The following NEXMIF variants were observed in gnomAD, a reference collection of about 807,000 sequenced individuals.
The protein encoded by NEXMIF is neurite extension and migration factor.
In NEXMIF, 8 loss-of-function variants were observed where a neutral mutation model predicts 62.1. That is an observed-to-expected ratio of 0.13 (90% CI 0.08 to 0.23). The LOEUF is 0.23. NEXMIF is among the 10% of genes least tolerant of loss of function. The probability of loss-of-function intolerance (pLI) is 1.00; values close to 1 mark genes in which losing one functional copy is unlikely to be tolerated. For missense variants in NEXMIF, 976 were observed against 1,113.3 expected (o/e 0.88, Z 1.75); for synonymous variants, 404 against 416.6 (o/e 0.97, Z 0.37).
intron 1 of NEXMIF, among the ~76,000 whole-genome samples, chrX:74,891,968 A>G (rs1450764073): frequency 8.9e-6 from 1 of 112,568 alleles, no homozygotes; most frequent in Non-Finnish European, 1.9e-5. Flanking sequence ...GGGCTATTAC[A>G]AAATATTTGC....
At chrX:74,906,620 C>T (rs908634642) in intron 1 of NEXMIF, among the ~76,000 whole-genome samples, 1 of 110,501 alleles carries the variant, frequency 9.0e-6, no homozygotes, top group Non-Finnish European at 1.9e-5. Context: ...CCACAAATCA[C>T]CTTCTGCCGT....
chrX:74,773,467 A>G (rs752943750), intron 1 of NEXMIF, among the ~76,000 whole-genome samples: 27 of 111,058 alleles, frequency 2.4e-4, no homozygotes, highest in Non-Finnish European at 4.2e-4. Context: ...GGCTTTTGAG[A>G]TGTCTGGGCT....
At chrX:74,874,909 T>G (rs1426432086) in intron 1 of NEXMIF, among the ~76,000 whole-genome samples, 2 of 108,727 alleles carry the variant, frequency 1.8e-5, no homozygotes, top group African/African-American at 6.8e-5. Flanking sequence ...ACGATGGGGT[T>G]TTCTAGATAT....
intron 1 of NEXMIF, among the ~76,000 whole-genome samples, chrX:74,799,428 C>T (rs1481969733): frequency 9.0e-6 from 1 of 111,268 alleles, no homozygotes; most frequent in Admixed American, 9.6e-5. Flanking sequence ...TACATGCATA[C>T]ATACATACAT....
intron 1 of NEXMIF, among the ~76,000 whole-genome samples, chrX:74,908,855 C>T (rs1270433985): frequency 1.8e-5 from 2 of 111,619 alleles, no homozygotes; most frequent in Admixed American, 9.5e-5. Flanking sequence ...TCCCCCATAC[C>T]GTTGTTGTGG....
chrX:74,848,513 C>T (rs1339094785), intron 1 of NEXMIF, among the ~76,000 whole-genome samples: 1 of 112,497 alleles, frequency 8.9e-6, no homozygotes, highest in Non-Finnish European at 1.9e-5. Flanking sequence ...TGCAAAGGCA[C>T]TTTGTCCAAA....
chrX:74,894,623 A>G, intron 1 of NEXMIF, among the ~76,000 whole-genome samples: 1 of 112,460 alleles, frequency 8.9e-6, no homozygotes, highest in Admixed American at 9.4e-5. Context: ...ACAATACATT[A>G]GAAAGATCAT....
intron 1 of NEXMIF, among the ~76,000 whole-genome samples, chrX:74,903,114 CA>C (rs1459246049): frequency 9.0e-6 from 1 of 111,291 alleles, no homozygotes; most frequent in Non-Finnish European, 1.9e-5. Context: ...TTGGTTTCTA[CA>C]ACCTGGAAGC....
chrX:74,914,020 T>C (rs1414597084), intron 1 of NEXMIF, among the ~76,000 whole-genome samples: 1 of 111,917 alleles, frequency 8.9e-6, no homozygotes, highest in Non-Finnish European at 1.9e-5. Context: ...GCTTCTCCCA[T>C]TGGGTTTCTC....
At chrX:74,834,691 A>G (rs886993459) in intron 1 of NEXMIF, among the ~76,000 whole-genome samples, 1 of 110,934 alleles carries the variant, frequency 9.0e-6, no homozygotes, top group East Asian at 2.8e-4. Flanking sequence ...GTTCCATAGT[A>G]TGTTATGTTG....
chrX:74,848,830 T>C (rs1239669273), intron 1 of NEXMIF, among the ~76,000 whole-genome samples: 1 of 111,526 alleles, frequency 9.0e-6, no homozygotes, highest in African/African-American at 3.3e-5. Flanking sequence ...ATGAGATTAG[T>C]GCCTTCATAA....
At chrX:74,815,052 A>G (rs550206852) in intron 1 of NEXMIF, among the ~76,000 whole-genome samples, 1 of 112,452 alleles carries the variant, frequency 8.9e-6, no homozygotes, top group East Asian at 2.8e-4. Flanking sequence ...CCCTTAATAC[A>G]TATTCTTCAT....
rs756553718 is a variant in NEXMIF at position 74,770,470 on chromosome X, C to T, written c.-47-24773G>A. 2.9e-4 allele frequency among the ~76,000 whole-genome samples: 32 copies of T among 111,983 alleles called. No individual in the cohort carries two copies. In the South Asian group the frequency reaches 0.011, roughly 39 times the overall value. On this transcript the variant is annotated intron_variant, in intron 1 of 3. Coordinates refer to ENST00000055682, the MANE Select transcript of NEXMIF (RefSeq NM_001008537.3). ...TATGTATGTTTCTTTTTGTCATTGGCATATTGATATATATGTTCAGTGCCT... is the reference window on the plus strand; with the variant it reads ...TATGTATGTTTCTTTTTGTCATTGGTATATTGATATATATGTTCAGTGCCT...
intron 1 of NEXMIF, among the ~76,000 whole-genome samples, chrX:74,844,358 T>C: frequency 8.9e-6 from 1 of 111,885 alleles, no homozygotes; most frequent in Non-Finnish European, 1.9e-5. Context: ...TCATGGATGA[T>C]ATTCTGAAAT....
intron 1 of NEXMIF, among the ~76,000 whole-genome samples, chrX:74,834,248 TTGTC>T (rs1170072700): frequency 1.8e-5 from 2 of 111,777 alleles, no homozygotes; most frequent in East Asian, 2.8e-4. Context: ...TCTTGTTGTA[TTGTC>T]TATGTCTTGA....
intron 1 of NEXMIF, among the ~76,000 whole-genome samples, chrX:74,777,190 A>C (rs994934693): frequency 8.9e-6 from 1 of 111,975 alleles, no homozygotes; most frequent in African/African-American, 3.2e-5. Flanking sequence ...ATAAATGAGA[A>C]GCTCTAAAGC....
chrX:74,736,637 A>G lies in NEXMIF; in HGVS notation c.*2768T>C, dbSNP rs1282075841. 1 of 111,953 alleles carries G rather than the reference A, an allele frequency of 8.9e-6. No homozygotes were observed. Among genetic ancestry groups the G allele is most frequent in the African/African-American group, 3.3e-5 (1 of 30,743 alleles). The allele number at this position is 111,953 out of a possible 1,213,427, so 9.2% of individuals were successfully genotyped here. ...GACAGGACCAACAAAATGCTAAATG[A>G]TGAACATCTCAGAACACAATGTACT... On this transcript the variant is annotated 3_prime_UTR_variant, in exon 4 of 4. Transcript: ENST00000055682.
intron 1 of NEXMIF, among the ~76,000 whole-genome samples, chrX:74,870,847 C>A (rs951068931): frequency 2.7e-5 from 3 of 111,805 alleles, no homozygotes; most frequent in Non-Finnish European, 5.6e-5. Context: ...AAAGGGAATC[C>A]TCTTACACTG....
At chrX:74,836,352 A>G (rs890294644) in intron 1 of NEXMIF, among the ~76,000 whole-genome samples, 1 of 111,590 alleles carries the variant, frequency 9.0e-6, no homozygotes, top group African/African-American at 3.3e-5. Context: ...CTTTTCTCAT[A>G]CAGAAGGAGT....
Sources: allele counts gnomAD v4.1 joint callset (sites outside exome capture counted in the v4.1 genomes callset), GRCh38; gene constraint gnomAD v4.1.1; transcripts MANE v1.5; gene names NCBI Gene and HGNC (gene_info 2026-07-23, HGNC 2026-07-21).